AOX1: variants seen among roughly 807,000 people sequenced by gnomAD.
AOX1 encodes aldehyde oxidase 1.
A neutral mutation model predicts 169.5 loss-of-function variants in AOX1; 153 were observed. The observed-to-expected ratio is 0.90, with a 90% CI of 0.79 to 1.03. AOX1 has a LOEUF of 1.03. AOX1 is among the 50% of genes least tolerant of loss of function. The pLI, the probability that AOX1 is intolerant of heterozygous loss-of-function variation, is 0.00. For missense variants in AOX1, 1,656 were observed against 1,663.9 expected, an observed-to-expected ratio of 1.00 and a Z score of 0.08; for synonymous variants, 562 against 581.9, an observed-to-expected ratio of 0.97 and a Z score of 0.49.
intron 31 of AOX1, 91 bp downstream of exon 31, chr2:200,663,060 G>T (rs747810156): frequency 4.3e-6 from 4 of 935,266 alleles, no homozygotes; most frequent in Middle Eastern, 2.5e-4. Flanking sequence ...TTAGTGAGTG[G>T]CAGCATCGTG....
At chr2:200,613,003 CGTGTGT>C (rs745607427) in intron 14 of AOX1, among the ~76,000 whole-genome samples, 2 of 144,126 alleles carry the variant, frequency 1.4e-5, no homozygotes, top group Admixed American at 7.0e-5. Flanking sequence ...ACTCTGTGTG[CGTGTGT>C]GTGTGTGTGT....
At chr2:200,659,474 C>T (rs57528243) in intron 28 of AOX1, among the ~76,000 whole-genome samples, 181 bp downstream of exon 28, 6,571 of 152,250 alleles carry the variant, frequency 0.043, 485 homozygotes, top group African/African-American at 0.15. Context: ...TCTTTTTCTC[C>T]CTCACTCCTG....
chr2:200,681,506 T>G (rs1237900887), downstream of AOX1: 1 of 152,654 alleles, frequency 6.6e-6, no homozygotes, highest in African/African-American at 2.4e-5. Flanking sequence ...CTCTAACCTC[T>G]TCAACTGTAG....
chr2:200,588,442 A>G (rs1043444287), intron 1 of AOX1, among the ~76,000 whole-genome samples: 1 of 152,146 alleles, frequency 6.6e-6, no homozygotes, highest in Non-Finnish European at 1.5e-5. Context: ...CCAAACAAAT[A>G]TTGGTATTTT....
At position 200,603,426 on chromosome 2, in the gene AOX1, G is replaced by A. The variant is rs1395246462; in HGVS notation, c.588+70G>A. The A allele has an allele frequency of 2.7e-5, 33 of 1,240,372 alleles. No homozygotes were observed. The East Asian group carries it at 7.9e-4, about 30-fold the overall frequency. The allele number at this position is 1,240,372 out of a possible 1,614,324, so 76.8% of individuals were successfully genotyped here. A position where few individuals can be genotyped will look rare whatever the true frequency, so the allele number is the denominator to read the frequency against. ...ACAGGAGCCAACATACTCTTAGGAA[G>A]AACAAATGGCTACCCAAGTTGACTA... On this transcript the variant is annotated intron_variant, in intron 7 of 34. Transcript: ENST00000374700.
Position 200,646,347 on chromosome 2 carries a change from T to C in AOX1, c.2847+3546T>C, listed in dbSNP as rs541093424. 1.1e-4 allele frequency among the ~76,000 whole-genome samples: 17 copies of C among 152,334 alleles called. No homozygotes were observed. In the East Asian group the frequency reaches 3.1e-3, roughly 28 times the overall value. ...GCTCATTCAGGAGCAGGTTATTTAATTTCCATGTATTTGCATGGTTCTGAA... is the reference window on the plus strand; with the variant it reads ...GCTCATTCAGGAGCAGGTTATTTAACTTCCATGTATTTGCATGGTTCTGAA... On this transcript the variant is annotated intron_variant, in intron 25 of 34. Coordinates refer to ENST00000374700, the MANE Select transcript of AOX1 (RefSeq NM_001159.4).
intron 6 of AOX1, 101 bp downstream of exon 6, chr2:200,602,446 G>A (rs563121791): frequency 4.0e-6 from 4 of 997,098 alleles, no homozygotes; most frequent in Non-Finnish European, 6.2e-6. Flanking sequence ...CTAATACATG[G>A]CTACTTCTTA....
At chr2:200,680,529 G>A (rs1367504293), downstream of AOX1, among the ~76,000 whole-genome samples, 1 of 151,230 alleles carries the variant, frequency 6.6e-6, no homozygotes, top group Non-Finnish European at 1.5e-5. Flanking sequence ...TTGTCTCAGG[G>A]CCAAGGTTTT....
At chr2:200,638,342 G>C (rs982609011) in intron 23 of AOX1, 40 bp downstream of exon 23, 6 of 1,544,082 alleles carry the variant, frequency 3.9e-6, no homozygotes, top group South Asian at 2.2e-5. Flanking sequence ...TTATGTTGTA[G>C]ATACAACATC....
chr2:200,605,558 C>G lies in AOX1; in HGVS notation c.837C>G (p.Gly279=). 1 of 1,541,150 alleles carries G rather than the reference C, an allele frequency of 6.5e-7. No homozygotes were observed. The highest frequency in any genetic ancestry group is 1.3e-5 in the South Asian group (1 of 77,188). The change falls in exon 10 of 35, where the codon GGC becomes GGG. Residue 279 remains glycine, a synonymous_variant. Coordinates refer to ENST00000374700, the MANE Select transcript of AOX1 (RefSeq NM_001159.4). ...TSVGPEVKFK[G]VFHPVIISPD... Reference sequence around the variant, plus strand: ...TAGGGCCTGAAGTGAAATTTAAAGGCGTCTTTCACCCAGTTATAATTTCTC... The same window carrying G: ...TAGGGCCTGAAGTGAAATTTAAAGGGGTCTTTCACCCAGTTATAATTTCTC...
intron 3 of AOX1, 85 bp downstream of exon 3, chr2:200,595,453 A>T (rs2034263830): frequency 1.1e-6 from 1 of 900,106 alleles, no homozygotes; most frequent in African/African-American, 1.7e-5. Context: ...ATATATATTG[A>T]GTACCTACCA....
Position 200,659,207 on chromosome 2 carries a change from C to A in AOX1, c.3214C>A (p.Leu1072Met). 6.2e-7 allele frequency: 1 copy of A among 1,613,840 alleles called. No individual in the cohort carries two copies. Among genetic ancestry groups the A allele is most frequent in the South Asian group, 1.1e-5 (1 of 91,044 alleles). The change falls in exon 28 of 35, where the codon CTG becomes ATG. Residue 1072 changes from leucine to methionine, a missense_variant. Coordinates refer to ENST00000374700, the MANE Select transcript of AOX1 (RefSeq NM_001159.4). ...AAGAATGCCAATGTCGAATGTCCAC[C>A]TGCGTGGAACAAGCACAGAAACTGT... Reference protein sequence around the residue: ...ELRMPMSNVHLRGTSTETVPN... With the variant: ...ELRMPMSNVHMRGTSTETVPN...
intron 27 of AOX1, among the ~76,000 whole-genome samples, chr2:200,657,225 C>G (rs575574316): frequency 2.2e-4 from 27 of 122,226 alleles, no homozygotes; most frequent in Non-Finnish European, 4.1e-4. Context: ...GGCATGGTGG[C>G]ATGAGCCTGT....
At chr2:200,643,359 G>T (rs554864872) in intron 25 of AOX1, among the ~76,000 whole-genome samples, 3 of 148,144 alleles carry the variant, frequency 2.0e-5, no homozygotes. Flanking sequence ...ATATACACAC[G>T]CACACATATA....
intron 26 of AOX1, among the ~76,000 whole-genome samples, chr2:200,655,152 C>A (rs1331031206): frequency 1.3e-5 from 2 of 152,202 alleles, no homozygotes; most frequent in African/African-American, 4.8e-5. Flanking sequence ...TATGCTACTG[C>A]AAATTTACTT....
chr2:200,594,750 T>C (rs1437945379), intron 2 of AOX1, among the ~76,000 whole-genome samples: 1 of 152,206 alleles, frequency 6.6e-6, no homozygotes, highest in African/African-American at 2.4e-5. Flanking sequence ...GGAAGCCATG[T>C]GTGTGGCTAA....
chr2:200,613,591 G>T (rs2034690158), intron 14 of AOX1, among the ~76,000 whole-genome samples: 1 of 152,082 alleles, frequency 6.6e-6, no homozygotes. Context: ...TCTGTGAGTT[G>T]GGTTCTAATA....
intron 1 of AOX1, among the ~76,000 whole-genome samples, chr2:200,588,805 C>T (rs2034103198): frequency 7.0e-6 from 1 of 141,860 alleles, no homozygotes; most frequent in African/African-American, 2.6e-5. Context: ...ACTGCAAGCA[C>T]CCACCACCAC....
At chr2:200,616,138 C>G (rs1436805450) in intron 16 of AOX1, 75 bp downstream of exon 16, 1 of 1,035,512 alleles carries the variant, frequency 9.7e-7, no homozygotes, top group Non-Finnish European at 1.5e-6. Flanking sequence ...CCCACTGTCT[C>G]TCCGTGAAAC....
Sources: allele counts gnomAD v4.1 joint callset (sites outside exome capture counted in the v4.1 genomes callset), GRCh38; gene constraint gnomAD v4.1.1; transcripts MANE v1.5; gene names NCBI Gene and HGNC (gene_info 2026-07-23, HGNC 2026-07-21).